NRXN3: variants seen among roughly 807,000 people sequenced by gnomAD.
The protein encoded by NRXN3 is neurexin 3.
In NRXN3, 32 loss-of-function variants were observed where a neutral mutation model predicts 137.6. That is an observed-to-expected ratio of 0.23 (90% CI 0.18 to 0.31). The LOEUF (loss-of-function observed/expected upper bound fraction) is 0.31. Ranked by LOEUF, NRXN3 falls within the 10% of genes least tolerant of loss-of-function variation. The probability of loss-of-function intolerance (pLI) is 1.00; values close to 1 mark genes in which losing one functional copy is unlikely to be tolerated. For synonymous variants in NRXN3, 798 were observed against 784.5 expected (o/e 1.02, Z -0.29); for missense variants, 1,574 against 2,062.5 (o/e 0.76, Z 4.59).
At chr14:79,176,904 T>C (rs1022058853) in intron 15 of NRXN3, among the ~76,000 whole-genome samples, 2 of 152,232 alleles carry the variant, frequency 1.3e-5, no homozygotes, top group Non-Finnish European at 2.9e-5. Flanking sequence ...ACAGGATCCC[T>C]ATCACAGTCT....
chr14:79,735,336 C>T (rs1336908170), intron 19 of NRXN3, among the ~76,000 whole-genome samples: 1 of 152,092 alleles, frequency 6.6e-6, no homozygotes, highest in African/African-American at 2.4e-5. Context: ...AATTGTTACG[C>T]AAGACTAATT....
At chr14:79,566,067 A>C (rs2097548192) in intron 16 of NRXN3, among the ~76,000 whole-genome samples, 1 of 152,044 alleles carries the variant, frequency 6.6e-6, no homozygotes, top group South Asian at 2.1e-4. Context: ...GTCGGAGGGG[A>C]ATGCATCTGT....
chr14:78,870,342 T>C (rs1295776818), intron 10 of NRXN3, among the ~76,000 whole-genome samples: 4 of 152,224 alleles, frequency 2.6e-5, no homozygotes, highest in Non-Finnish European at 5.9e-5. Context: ...ATAACATGGA[T>C]AGATCATCCT....
intron 4 of NRXN3, among the ~76,000 whole-genome samples, chr14:78,598,620 T>C (rs978926283): frequency 3.3e-5 from 5 of 152,210 alleles, no homozygotes; most frequent in African/African-American, 1.2e-4. Context: ...CAAACAGATA[T>C]CATTATGTGG....
rs556530646 is a variant in NRXN3 at position 79,698,744 on chromosome 14, GACA to G, written c.4014+812_4014+814del. ...CATGAGACATTCCAATTGCTGCTGC[GACA>G]ACAATTACTTACCCCTATCCTAGTT... On this transcript the variant is annotated intron_variant, in intron 19 of 20. Coordinates refer to ENST00000335750, the MANE Select transcript of NRXN3 (RefSeq NM_001330195.2). Among the ~76,000 whole-genome samples the G allele has an allele frequency of 2.6e-5, 4 of 151,954 alleles. No homozygotes were observed. The East Asian group carries it at 7.8e-4, about 30-fold the overall frequency.
At chr14:78,686,823 T>G (rs2098129844) in intron 6 of NRXN3, among the ~76,000 whole-genome samples, 1 of 152,190 alleles carries the variant, frequency 6.6e-6, no homozygotes, top group South Asian at 2.1e-4. Context: ...TAATTCCCTG[T>G]GTTCACTTCT....
intron 19 of NRXN3, among the ~76,000 whole-genome samples, chr14:79,770,692 C>A (rs1202510270): frequency 2.0e-5 from 3 of 149,616 alleles, no homozygotes; most frequent in African/African-American, 4.9e-5. Context: ...AAAATTGACA[C>A]CCTAACATCA....
rs138628835 is a variant in NRXN3 at position 79,861,880 on chromosome 14, C to T, written c.4632C>T (p.Asn1544=). 4.3e-6 allele frequency: 7 copies of T among 1,613,896 alleles called. No individual in the cohort carries two copies. The highest frequency in any genetic ancestry group is 2.7e-5 in the African/African-American group (2 of 74,906). ...ACATCAGCAACTCCGCCCAGAGCAACGGCACGCTCATGAAGGAGAAGCAGC... is the reference window on the plus strand; with the variant it reads ...ACATCAGCAACTCCGCCCAGAGCAATGGCACGCTCATGAAGGAGAAGCAGC... ...RNYISNSAQS[N]GTLMKEKQQS... Residue 1544 remains asparagine (N), a synonymous_variant, in exon 21 of 21, where the codon AAC becomes AAT. Coordinates refer to ENST00000335750, the MANE Select transcript of NRXN3 (RefSeq NM_001330195.2). This position sits in a 1 kb window ranked among gnomAD's most constrained non-coding sequence, Gnocchi z 5.4.
chr14:78,983,105 A>G (rs1598205513), intron 14 of NRXN3, among the ~76,000 whole-genome samples: 1 of 152,186 alleles, frequency 6.6e-6, no homozygotes, highest in Non-Finnish European at 1.5e-5. Context: ...TGCACCTATT[A>G]AAATAGCTAC....
At position 78,687,855 on chromosome 14, in the gene NRXN3, A is replaced by G. The variant is rs1250037849; in HGVS notation, c.1222-21362A>G. Among the ~76,000 whole-genome samples the G allele has an allele frequency of 2.0e-5, 3 of 152,220 alleles. No homozygotes were observed. The East Asian group carries it at 5.8e-4, about 29-fold the overall frequency. On this transcript the variant is annotated intron_variant, in intron 6 of 20. Coordinates refer to ENST00000335750, the MANE Select transcript of NRXN3 (RefSeq NM_001330195.2). Reference sequence around the variant, plus strand: ...TGGCTCCATCCTGCACAAGGGGCCGATAAATACAATCCTGTCTTGTGCCAG... The same window carrying G: ...TGGCTCCATCCTGCACAAGGGGCCGGTAAATACAATCCTGTCTTGTGCCAG...
intron 1 of NRXN3, among the ~76,000 whole-genome samples, chr14:78,175,782 G>A (rs772050110): frequency 1.8e-4 from 27 of 152,228 alleles, no homozygotes; most frequent in Non-Finnish European, 3.8e-4. Flanking sequence ...ACTCCTCAGA[G>A]AGACCTTTCC....
chr14:79,121,056 A>C (rs2055337325), intron 15 of NRXN3, among the ~76,000 whole-genome samples: 1 of 152,224 alleles, frequency 6.6e-6, no homozygotes, highest in Non-Finnish European at 1.5e-5. Flanking sequence ...TGCAGCAAAG[A>C]GGAGATACAA....
At chr14:78,266,427 T>C (rs1481242123) in intron 2 of NRXN3, among the ~76,000 whole-genome samples, 1 of 152,046 alleles carries the variant, frequency 6.6e-6, no homozygotes, top group African/African-American at 2.4e-5. Context: ...GCTTCCTGAG[T>C]AGCTGAGATT....
intron 8 of NRXN3, among the ~76,000 whole-genome samples, chr14:78,749,070 C>A (rs958532259): frequency 1.3e-5 from 2 of 152,146 alleles, no homozygotes; most frequent in Non-Finnish European, 2.9e-5. Context: ...AGTCTGGCCA[C>A]ATTCTGATGA....
chr14:79,824,557 C>T (rs568794259), intron 20 of NRXN3, among the ~76,000 whole-genome samples: 2 of 152,120 alleles, frequency 1.3e-5, no homozygotes, highest in Non-Finnish European at 2.9e-5. Context: ...AAAAGGTTTC[C>T]ATCATGAACA....
chr14:79,833,273 T>C (rs541383408), intron 20 of NRXN3, among the ~76,000 whole-genome samples: 46 of 152,238 alleles, frequency 3.0e-4, no homozygotes, highest in African/African-American at 1.0e-3. Context: ...TGAAGGCAAA[T>C]TTTAGATTCG....
At chr14:79,203,437 A>T (rs1469710378) in intron 15 of NRXN3, among the ~76,000 whole-genome samples, 1 of 152,214 alleles carries the variant, frequency 6.6e-6, no homozygotes, top group African/African-American at 2.4e-5. Flanking sequence ...AGATAAATGA[A>T]TTAGGGCTGT....
rs35899846 is a variant in NRXN3 at position 79,363,601 on chromosome 14, G to GA, written c.3263-103604dup. 9.9e-3 allele frequency among the ~76,000 whole-genome samples: 1,233 copies of GA among 124,758 alleles called. 11 individuals are homozygous for GA. Among genetic ancestry groups the GA allele is most frequent in the African/African-American group, 0.032 (1,010 of 31,974 alleles). The allele number at this position is 124,758 out of a possible 152,430, so 81.8% of individuals were successfully genotyped here. ...ACAGTTGCTCCTTCTACTTTCTTAA[G>GA]AAAAAAAAAAAAAAAATCCAAATGG... On this transcript the variant is annotated intron_variant, in intron 15 of 20. Coordinates refer to ENST00000335750, the MANE Select transcript of NRXN3 (RefSeq NM_001330195.2).
chr14:79,020,379 C>T (rs2099587555), intron 15 of NRXN3, among the ~76,000 whole-genome samples: 1 of 151,100 alleles, frequency 6.6e-6, no homozygotes, highest in South Asian at 2.1e-4. Context: ...GATTCTCCTG[C>T]CTCAGCCTCC....
Sources: allele counts gnomAD v4.1 joint callset (sites outside exome capture counted in the v4.1 genomes callset), GRCh38; gene constraint gnomAD v4.1.1; non-coding constraint Gnocchi (gnomAD v3.1); transcripts MANE v1.5; gene names NCBI Gene and HGNC (gene_info 2026-07-23, HGNC 2026-07-21).